Variants in ADGRE5 observed in about 807,000 individuals in gnomAD.
ADGRE5 encodes CD97 molecule.
Under a neutral mutation model 100.3 loss-of-function variants are expected in ADGRE5, and 72 were observed. The observed-to-expected ratio is 0.72, with a 90% CI of 0.59 to 0.87. The LOEUF is 0.87. Ranked by LOEUF, ADGRE5 falls within the 40% of genes least tolerant of loss-of-function variation. The pLI is 0.00. For missense variants in ADGRE5, 959 were observed against 1,094.7 expected (o/e 0.88, Z 1.75); for synonymous variants, 439 against 447.8 (o/e 0.98, Z 0.25).
At chr19:14,390,195 G>A (rs1258887965) in intron 3 of ADGRE5, among the ~76,000 whole-genome samples, 3 of 151,840 alleles carry the variant, frequency 2.0e-5, no homozygotes, top group Non-Finnish European at 4.4e-5. Context: ...TATGAAGGGG[G>A]AGAAGTAAGA....
Position 14,406,968 on chromosome 19 carries a change from G to A in ADGRE5, c.2207+8G>A. On this transcript the variant is annotated splice_region_variant and intron_variant, in intron 17 of 19. Coordinates refer to ENST00000242786, the MANE Select transcript of ADGRE5 (RefSeq NM_078481.4). This position sits in a 1 kb window ranked among gnomAD's most constrained non-coding sequence, Gnocchi z 6.0. ...GAAATTAAAGAAGGCGAGGTGAGAG[G>A]AGAGGCTGGAAGGACTTGGAGGCGG... 1 of 1,614,088 alleles carries A rather than the reference G, an allele frequency of 6.2e-7. No individual in the cohort carries two copies. The highest frequency in any genetic ancestry group is 8.5e-7 in the Non-Finnish European group (1 of 1,179,926).
intron 2 of ADGRE5, 72 bp downstream of exon 2, chr19:14,388,572 C>A (rs1445033588): frequency 6.3e-7 from 1 of 1,594,664 alleles, no homozygotes; most frequent in Non-Finnish European, 8.6e-7. Context: ...CCCCGCCCAG[C>A]CCCCTTCAGC....
In ADGRE5 at chr19:14,407,237, C is replaced by T. The variant is rs766881249; in HGVS notation, c.2376+8C>T. ...TGCCTGCTCAACAAGAAGGTGGGGG[C>T]CTGGGCACAGTGGCGCACGCCTGTC... On this transcript the variant is annotated splice_region_variant and intron_variant, in intron 18 of 19. Transcript: ENST00000242786. 5 of 1,613,438 alleles carry T rather than the reference C, an allele frequency of 3.1e-6. No individual in the cohort carries two copies. The African/African-American group carries it at 6.7e-5, about 22-fold the overall frequency.
intron 4 of ADGRE5, 137 bp from the exon 5 acceptor site, chr19:14,396,205 T>G (rs763752236): frequency 3.0e-4 from 447 of 1,514,254 alleles, no homozygotes; most frequent in Middle Eastern, 7.2e-4. Context: ...CACCATAGGA[T>G]GCCTCTGTGT....
At chr19:14,396,103 A>G (rs1039683828) in intron 4 of ADGRE5, 5 of 614,540 alleles carry the variant, frequency 8.1e-6, no homozygotes, top group Non-Finnish European at 1.3e-5. Context: ...GGGACACCCC[A>G]GCTTGGAGCT....
chr19:14,384,331 G>T (rs2146342593), intron 1 of ADGRE5, among the ~76,000 whole-genome samples: 1 of 152,216 alleles, frequency 6.6e-6, no homozygotes, highest in East Asian at 1.9e-4. Context: ...CCTCCAATCT[G>T]CACCCCAAAC....
At chr19:14,402,900 C>T in intron 12 of ADGRE5, 38 bp downstream of exon 12, 1 of 1,608,070 alleles carries the variant, frequency 6.2e-7, no homozygotes, top group Non-Finnish European at 8.5e-7. Context: ...AAAGATAACC[C>T]AGGGCCTTCG....
At chr19:14,390,164 AGGAAGGAAATAAG>A (rs1299727128) in intron 3 of ADGRE5, among the ~76,000 whole-genome samples, 2 of 151,374 alleles carry the variant, frequency 1.3e-5, no homozygotes, top group East Asian at 3.9e-4. Context: ...GAAGGAAGGA[AGGAAGGAAATAAG>A]GGAAGAATAT....
chr19:14,395,226 G>A (rs1984821), intron 4 of ADGRE5, among the ~76,000 whole-genome samples: 4,707 of 151,878 alleles, frequency 0.031, 219 homozygotes, highest in African/African-American at 0.1. Flanking sequence ...GCTTGAACCC[G>A]GGAGGCAGAG....
intron 1 of ADGRE5, among the ~76,000 whole-genome samples, chr19:14,385,469 G>A (rs934278901): frequency 3.3e-5 from 5 of 152,068 alleles, no homozygotes; most frequent in Admixed American, 6.6e-5. Flanking sequence ...CTGGTGAACA[G>A]CAAGGAGATC....
intron 6 of ADGRE5, 29 bp downstream of exon 6, chr19:14,397,252 C>G: frequency 1.2e-6 from 2 of 1,613,238 alleles, no homozygotes; most frequent in Non-Finnish European, 1.7e-6. Context: ...ACGTTTCTAG[C>G]GACCCACAAA....
At chr19:14,395,755 C>T (rs372455635) in intron 4 of ADGRE5, among the ~76,000 whole-genome samples, 3 of 152,270 alleles carry the variant, frequency 2.0e-5, no homozygotes, top group East Asian at 1.9e-4. Flanking sequence ...GCCCACTGTC[C>T]GGGCAGCCCT....
intron 12 of ADGRE5, among the ~76,000 whole-genome samples, chr19:14,403,421 T>C (rs913140718): frequency 6.6e-6 from 1 of 151,662 alleles, no homozygotes; most frequent in African/African-American, 2.4e-5. Flanking sequence ...GGCGCGATTA[T>C]AGCTCACTGC....
At chr19:14,385,549 A>T (rs1164646098) in intron 1 of ADGRE5, among the ~76,000 whole-genome samples, 1 of 151,950 alleles carries the variant, frequency 6.6e-6, no homozygotes, top group Non-Finnish European at 1.5e-5. Flanking sequence ...TGGGAGGGGG[A>T]ACCCCCTGAG....
In ADGRE5 at chr19:14,407,903, G is replaced by T. The variant is rs202091781; in HGVS notation, c.2377-5G>T. 1 of 1,613,694 alleles carries T rather than the reference G, an allele frequency of 6.2e-7. No homozygotes were observed. The highest frequency in any genetic ancestry group is 8.5e-7 in the Non-Finnish European group (1 of 1,179,766). Reference sequence around the variant, plus strand: ...CCTGCCCTGACTTGGTGTCTGGGCCGGCAGGTTCGGGAAGAATACCGGAAG... The same window carrying T: ...CCTGCCCTGACTTGGTGTCTGGGCCTGCAGGTTCGGGAAGAATACCGGAAG... On this transcript the variant is annotated splice_region_variant and splice_polypyrimidine_tract_variant and intron_variant, in intron 18 of 19. Transcript: ENST00000242786.
At position 14,406,408 on chromosome 19, in the gene ADGRE5, A is replaced by C. The variant is rs1267181583; in HGVS notation, c.1899A>C (p.Glu633Asp). Residue 633 changes from glutamate (E) to aspartate (D), a missense_variant, in exon 15 of 20, where the codon GAA (glutamate) becomes GAC (aspartate). Glu to Asp is a conservative substitution (Grantham distance 45, BLOSUM62 2). Around this residue, in one of 6 missense-constraint regions of ADGRE5, gnomAD observed 428 missense variants for 386.2 expected, o/e 1.11. Coordinates refer to ENST00000242786, the MANE Select transcript of ADGRE5 (RefSeq NM_078481.4). The surrounding 1 kb of genome is among the most constrained non-coding windows in gnomAD (Gnocchi z 6.0). ...CCGCCTTCTGCTGGATGAGCCTCGA[A>C]GGCCTGGAGCTCTACTTTCTTGTGG... ...FLAAFCWMSL[E>D]GLELYFLVVR... 1.9e-6 allele frequency: 3 copies of C among 1,592,778 alleles called. No individual in the cohort carries two copies. In the African/African-American group the frequency reaches 4.0e-5, roughly 21 times the overall value.
intron 1 of ADGRE5, among the ~76,000 whole-genome samples, chr19:14,385,402 T>C (rs946686289): frequency 2.5e-4 from 38 of 151,086 alleles, no homozygotes; most frequent in Non-Finnish European, 5.3e-4. Flanking sequence ...TCTGTCTGTC[T>C]CTCTCTCTCT....
At chr19:14,394,928 G>A (rs1489761465) in intron 4 of ADGRE5, among the ~76,000 whole-genome samples, 3 of 152,066 alleles carry the variant, frequency 2.0e-5, no homozygotes, top group Non-Finnish European at 4.4e-5. Context: ...GTAATTCCTG[G>A]GCCTGAACGC....
chr19:14,406,617 A>G lies in ADGRE5; in HGVS notation c.2048+60A>G, dbSNP rs1482937969. On this transcript the variant is annotated intron_variant, in intron 15 of 19. Coordinates refer to ENST00000242786, the MANE Select transcript of ADGRE5 (RefSeq NM_078481.4). This position sits in a 1 kb window ranked among gnomAD's most constrained non-coding sequence, Gnocchi z 6.0. ...GGTGCTGGGCCTGGGGCTCACAGGC[A>G]GTGCCACACACAATGTCCGGCCGCC... 2 of 1,595,652 alleles carry G rather than the reference A, an allele frequency of 1.3e-6. No homozygotes were observed. Among genetic ancestry groups the G allele is most frequent in the Non-Finnish European group, 1.7e-6 (2 of 1,163,690 alleles).
Sources: allele counts gnomAD v4.1 joint callset (sites outside exome capture counted in the v4.1 genomes callset), GRCh38; gene constraint gnomAD v4.1.1; regional missense constraint gnomAD v4.1.1; non-coding constraint Gnocchi (gnomAD v3.1); transcripts MANE v1.5; gene names NCBI Gene and HGNC (gene_info 2026-07-23, HGNC 2026-07-21).